Variants in CCSER1 observed in about 807,000 individuals in gnomAD.
The protein encoded by CCSER1 is coiled-coil serine rich protein 1.
Under a neutral mutation model 82.0 loss-of-function variants are expected in CCSER1, and 41 were observed. That is an observed-to-expected ratio of 0.50 (90% CI 0.39 to 0.65). The LOEUF (loss-of-function observed/expected upper bound fraction) is 0.65. CCSER1 is among the 30% of genes least tolerant of loss of function. The pLI is 0.00. For synonymous variants in CCSER1, 414 were observed against 383.9 expected (o/e 1.08, Z -0.92); for missense variants, 1,119 against 1,064.2 (o/e 1.05, Z -0.72).
chr4:90,264,065 G>T (rs1035181070), intron 1 of CCSER1, among the ~76,000 whole-genome samples: 1 of 152,158 alleles, frequency 6.6e-6, no homozygotes, highest in African/African-American at 2.4e-5. Context: ...TTGACTTTTA[G>T]AGCACCATAG....
chr4:90,529,302 A>T (rs1774192331), intron 5 of CCSER1, among the ~76,000 whole-genome samples: 1 of 151,624 alleles, frequency 6.6e-6, no homozygotes, highest in African/African-American at 2.4e-5. Context: ...GCAAACTCCG[A>T]CTCTCAGGAT....
chr4:90,712,929 G>A (rs1197081624), intron 6 of CCSER1, among the ~76,000 whole-genome samples: 5 of 146,518 alleles, frequency 3.4e-5, no homozygotes, highest in Admixed American at 3.4e-4. Context: ...ATCATTGTTG[G>A]TTTAAATTCT....
chr4:91,515,982 A>G (rs1308643840), intron 10 of CCSER1, among the ~76,000 whole-genome samples: 3 of 150,756 alleles, frequency 2.0e-5, no homozygotes, highest in African/African-American at 4.9e-5. Context: ...TTTTTTTTAC[A>G]TGCTTGTTGG....
chr4:90,735,666 A>G (rs1745514270), intron 7 of CCSER1, among the ~76,000 whole-genome samples: 1 of 151,810 alleles, frequency 6.6e-6, no homozygotes, highest in East Asian at 1.9e-4. Context: ...CTCCTTTTTC[A>G]TCTCTGATTT....
chr4:91,168,173 GCC>G (rs1732331738), intron 10 of CCSER1, among the ~76,000 whole-genome samples: 2 of 139,560 alleles, frequency 1.4e-5, no homozygotes, highest in African/African-American at 2.8e-5. Context: ...CCTCTGCCCG[GCC>G]GCCCATCGTC....
At chr4:91,006,172 T>A (rs1738484051) in intron 9 of CCSER1, among the ~76,000 whole-genome samples, 1 of 152,168 alleles carries the variant, frequency 6.6e-6, no homozygotes, top group Admixed American at 6.5e-5. Flanking sequence ...ATTATTTGTC[T>A]TCTATTCCAT....
At chr4:90,849,739 T>G (rs1285477544) in intron 8 of CCSER1, among the ~76,000 whole-genome samples, 1 of 144,828 alleles carries the variant, frequency 6.9e-6, no homozygotes, top group Non-Finnish European at 1.5e-5. Context: ...CAGTGAGCCG[T>G]GATCGTGCCA....
At chr4:91,556,415 G>A (rs17018613) in intron 10 of CCSER1, among the ~76,000 whole-genome samples, 34,752 of 150,612 alleles carry the variant, frequency 0.23, 4,431 homozygotes, top group East Asian at 0.43. Context: ...CAGGCAATCA[G>A]TAATAGTAGA....
intron 6 of CCSER1, among the ~76,000 whole-genome samples, chr4:90,630,498 G>A (rs1002042445): frequency 1.3e-5 from 2 of 152,076 alleles, no homozygotes; most frequent in Non-Finnish European, 2.9e-5. Flanking sequence ...TTATTAAGGG[G>A]TATTCGAAGA....
intron 6 of CCSER1, among the ~76,000 whole-genome samples, chr4:90,692,754 C>T (rs1019028170): frequency 6.6e-6 from 1 of 151,782 alleles, no homozygotes; most frequent in Non-Finnish European, 1.5e-5. Context: ...AATACGTCAA[C>T]CATAAATTAC....
chr4:91,553,041 A>G (rs1389563722), intron 10 of CCSER1, among the ~76,000 whole-genome samples: 1 of 151,586 alleles, frequency 6.6e-6, no homozygotes, highest in Non-Finnish European at 1.5e-5. Flanking sequence ...CAGGCCTAGT[A>G]AGAGGCCTTT....
At chr4:90,795,023 C>A (rs930747642) in intron 7 of CCSER1, among the ~76,000 whole-genome samples, 1 of 151,976 alleles carries the variant, frequency 6.6e-6, no homozygotes, top group Admixed American at 6.6e-5. Context: ...GGTGCGGTGG[C>A]TCACACCTGT....
At chr4:91,238,678 C>T (rs1283069438) in intron 10 of CCSER1, among the ~76,000 whole-genome samples, 1 of 151,962 alleles carries the variant, frequency 6.6e-6, no homozygotes, top group Non-Finnish European at 1.5e-5. Flanking sequence ...ATTGGTTGGC[C>T]AGTAATTATC....
chr4:91,098,131 A>C (rs1724692579), intron 10 of CCSER1, among the ~76,000 whole-genome samples: 1 of 152,206 alleles, frequency 6.6e-6, no homozygotes, highest in South Asian at 2.1e-4. Context: ...ATAATACTTC[A>C]AGATTCTTTA....
At chr4:90,952,564 G>A (rs1733022994) in intron 9 of CCSER1, among the ~76,000 whole-genome samples, 1 of 151,946 alleles carries the variant, frequency 6.6e-6, no homozygotes, top group South Asian at 2.1e-4. Context: ...GCACTTTTCA[G>A]GTAAATAAAA....
chr4:91,429,344 C>G (rs1754164531), intron 10 of CCSER1, among the ~76,000 whole-genome samples: 1 of 151,780 alleles, frequency 6.6e-6, no homozygotes, highest in Admixed American at 6.6e-5. Context: ...TATGATGGAA[C>G]AATAATCTTT....
intron 10 of CCSER1, among the ~76,000 whole-genome samples, chr4:91,468,372 A>G (rs1000876716): frequency 6.6e-6 from 1 of 152,116 alleles, no homozygotes; most frequent in Non-Finnish European, 1.5e-5. Context: ...GGGAGGGGAG[A>G]GGGATAGCAT....
intron 10 of CCSER1, among the ~76,000 whole-genome samples, chr4:91,246,578 T>G (rs1344527279): frequency 6.6e-6 from 1 of 152,158 alleles, no homozygotes; most frequent in Non-Finnish European, 1.5e-5. Context: ...CAAACAGATA[T>G]CTGCACTCCT....
At chr4:90,395,109 A>G (rs146143117) in intron 3 of CCSER1, among the ~76,000 whole-genome samples, 1,546 of 152,224 alleles carry the variant, frequency 0.01, 17 homozygotes, top group South Asian at 0.03. Context: ...ACACCATTCA[A>G]CTTTCTGCTT....
Sources: allele counts gnomAD v4.1 joint callset (sites outside exome capture counted in the v4.1 genomes callset), GRCh38; gene constraint gnomAD v4.1.1; transcripts MANE v1.5; gene names NCBI Gene and HGNC (gene_info 2026-07-23, HGNC 2026-07-21).